Variants in RARB observed in about 807,000 individuals in gnomAD.
RARB encodes HBV-activated protein.
A neutral mutation model predicts 51.9 loss-of-function variants in RARB; 17 were observed. The observed-to-expected ratio is 0.33, with a 90% CI of 0.22 to 0.49. The LOEUF (loss-of-function observed/expected upper bound fraction) is 0.49, where lower values mean the gene tolerates loss of function less well. RARB is among the 20% of genes least tolerant of loss of function. The probability of loss-of-function intolerance (pLI) is 0.99; values close to 1 mark genes in which losing one functional copy is unlikely to be tolerated. For synonymous variants in RARB, 215 were observed against 195.4 expected, an observed-to-expected ratio of 1.10 and a Z score of -0.84; for missense variants, 369 against 550.8, an observed-to-expected ratio of 0.67 and a Z score of 3.30.
chr3:25,430,565 T>G (rs983038716), intron 1 of RARB, among the ~76,000 whole-genome samples: 1 of 152,202 alleles, frequency 6.6e-6, no homozygotes, highest in East Asian at 1.9e-4. Context: ...AGATGCCTAT[T>G]AAGTTGTAAG....
intron 5 of RARB, among the ~76,000 whole-genome samples, chr3:25,406,974 T>C (rs1189614147): frequency 6.6e-6 from 1 of 152,240 alleles, no homozygotes; most frequent in African/African-American, 2.4e-5. Flanking sequence ...CTGCCTTTAA[T>C]GTGGAATGAT....
intron 1 of RARB, among the ~76,000 whole-genome samples, chr3:24,847,962 A>G (rs1240304810): frequency 1.3e-5 from 2 of 152,168 alleles, no homozygotes; most frequent in African/African-American, 4.8e-5. Flanking sequence ...AAACTTAGAG[A>G]GCATTTTAGG....
chr3:25,082,465 T>C (rs991191002), intron 3 of RARB, among the ~76,000 whole-genome samples: 23 of 152,210 alleles, frequency 1.5e-4, no homozygotes, highest in African/African-American at 5.3e-4. Flanking sequence ...TTAGGTATTA[T>C]AATATACACC....
intron 2 of RARB, among the ~76,000 whole-genome samples, chr3:24,874,252 G>A (rs1703002089): frequency 2.0e-5 from 3 of 151,930 alleles, no homozygotes; most frequent in African/African-American, 4.8e-5. Flanking sequence ...TTGCTTTATG[G>A]CCCAGCATGC....
upstream of RARB, among the ~76,000 whole-genome samples, chr3:25,425,394 A>G (rs1192139896): frequency 1.3e-5 from 2 of 152,256 alleles, no homozygotes; most frequent in African/African-American, 4.8e-5. Context: ...AGAAATAATT[A>G]GCATGTGGCT....
chr3:25,013,159 C>T (rs1188289439), intron 2 of RARB, among the ~76,000 whole-genome samples: 1 of 152,032 alleles, frequency 6.6e-6, no homozygotes, highest in East Asian at 1.9e-4. Context: ...GACAGCATTG[C>T]CTTGAAGAAA....
chr3:25,013,999 T>G (rs1380376690), intron 2 of RARB, among the ~76,000 whole-genome samples: 1 of 152,092 alleles, frequency 6.6e-6, no homozygotes. Flanking sequence ...CCCTTCTCCC[T>G]CTCTCAACTT....
chr3:24,873,656 A>G (rs1575047109), intron 2 of RARB, among the ~76,000 whole-genome samples: 1 of 149,740 alleles, frequency 6.7e-6, no homozygotes, highest in Non-Finnish European at 1.5e-5. Flanking sequence ...GTTATTTATC[A>G]GTCTTCCCTT....
intron 2 of RARB, among the ~76,000 whole-genome samples, chr3:25,493,430 TC>T (rs1696849361): frequency 6.6e-6 from 1 of 152,182 alleles, no homozygotes; most frequent in Non-Finnish European, 1.5e-5. Flanking sequence ...CACACTCACC[TC>T]CTACTGGCAG....
intron 2 of RARB, among the ~76,000 whole-genome samples, chr3:24,954,253 T>C (rs1695961653): frequency 1.3e-5 from 2 of 152,144 alleles, no homozygotes; most frequent in Admixed American, 6.5e-5. Flanking sequence ...GATGGTGAGG[T>C]GTAGGACCTT....
intron 3 of RARB, among the ~76,000 whole-genome samples, chr3:25,106,532 G>A (rs1699507968): frequency 1.4e-5 from 2 of 143,844 alleles, no homozygotes; most frequent in South Asian, 4.4e-4. Context: ...TGAACTCCTG[G>A]GCTCAAGCAA....
intron 3 of RARB, among the ~76,000 whole-genome samples, chr3:25,090,546 C>G (rs773025578): frequency 2.0e-5 from 3 of 152,096 alleles, no homozygotes; most frequent in Non-Finnish European, 4.4e-5. Flanking sequence ...TTCCATTGAA[C>G]ACATTCCTGT....
chr3:25,191,789 T>TA (rs1324082931), intron 5 of RARB, among the ~76,000 whole-genome samples: 1 of 152,110 alleles, frequency 6.6e-6, no homozygotes, highest in Non-Finnish European at 1.5e-5. Context: ...AATCCAGTGT[T>TA]ACAAGGCACA....
At chr3:25,537,167 G>C (rs537697722) in intron 3 of RARB, among the ~76,000 whole-genome samples, 9 of 152,300 alleles carry the variant, frequency 5.9e-5, no homozygotes, top group Non-Finnish European at 1.3e-4. Context: ...GAAGTTGAAA[G>C]AGGGGTTTGG....
intron 5 of RARB, among the ~76,000 whole-genome samples, chr3:25,329,044 A>G (rs948030674): frequency 6.6e-6 from 1 of 152,162 alleles, no homozygotes; most frequent in African/African-American, 2.4e-5. Context: ...ACAGGGTGGA[A>G]CCCACTGCAG....
At chr3:25,376,606 C>G (rs1351234279) in intron 5 of RARB, among the ~76,000 whole-genome samples, 1 of 152,222 alleles carries the variant, frequency 6.6e-6, no homozygotes, top group Non-Finnish European at 1.5e-5. Flanking sequence ...ACCTACACAA[C>G]TCCCTATCAC....
intron 5 of RARB, among the ~76,000 whole-genome samples, chr3:25,585,239 C>G (rs545629280): frequency 2.7e-4 from 41 of 152,244 alleles, no homozygotes; most frequent in South Asian, 1.2e-3. Context: ...CTACAGGCCT[C>G]AGTTATGTTC....
intron 2 of RARB, among the ~76,000 whole-genome samples, chr3:24,935,721 A>G (rs1055655066): frequency 1.3e-5 from 2 of 152,160 alleles, no homozygotes; most frequent in Admixed American, 6.6e-5. Context: ...GCAGGATGAG[A>G]AAATCTTGTT....
chr3:24,879,201 C>T (rs770450774), intron 2 of RARB, among the ~76,000 whole-genome samples: 27 of 150,492 alleles, frequency 1.8e-4, no homozygotes, highest in East Asian at 6.1e-4. Context: ...AGGCCGCGGC[C>T]GGCGGATCAC....
Sources: allele counts gnomAD v4.1 joint callset (sites outside exome capture counted in the v4.1 genomes callset), GRCh38; gene constraint gnomAD v4.1.1; transcripts MANE v1.5; gene names NCBI Gene and HGNC (gene_info 2026-07-23, HGNC 2026-07-21).